RAB31: variants seen among roughly 807,000 people sequenced by gnomAD.
RAB31 encodes the protein ras-related protein Rab-31.
RAB31 carries 21 observed loss-of-function variants against 25.6 expected under a neutral mutation model. The observed-to-expected ratio is 0.82, with a 90% CI of 0.58 to 1.18. RAB31 has a LOEUF of 1.18. RAB31 is among the 50% of genes most tolerant of loss of function. The pLI, the probability that RAB31 is intolerant of heterozygous loss-of-function variation, is 0.00. For missense variants in RAB31, 196 were observed against 250.1 expected (o/e 0.78, Z 1.46); for synonymous variants, 87 against 84.0 (o/e 1.04, Z -0.20).
intron 1 of RAB31, among the ~76,000 whole-genome samples, chr18:9,709,115 C>T (rs2068002684): frequency 6.6e-6 from 1 of 152,190 alleles, no homozygotes; most frequent in Admixed American, 6.5e-5. Context: ...CTGGGAAAGT[C>T]CTCCCCACCA....
chr18:9,735,528 C>T lies in RAB31; in HGVS notation c.39+27084C>T, dbSNP rs140637937. The T allele has an allele frequency of 1.7e-3, 330 of 196,988 alleles. 5 individuals carry two copies. The highest frequency in any genetic ancestry group is 7.3e-3 in the African/African-American group (312 of 43,018). The allele number at this position is 196,988 out of a possible 1,614,324, so 12.2% of individuals were successfully genotyped here. A position where few individuals can be genotyped will look rare whatever the true frequency, so the allele number is the denominator to read the frequency against. On this transcript the variant is annotated intron_variant, in intron 1 of 6. Transcript: ENST00000578921. ...ATTACCACAGCCTCCACGGTGCTTCCGCACTCGGTGATGTGGCCATGGCCG... is the reference window on the plus strand; with the variant it reads ...ATTACCACAGCCTCCACGGTGCTTCTGCACTCGGTGATGTGGCCATGGCCG...
intron 1 of RAB31, among the ~76,000 whole-genome samples, chr18:9,758,724 C>T (rs1181802207): frequency 6.6e-6 from 1 of 152,078 alleles, no homozygotes; most frequent in Non-Finnish European, 1.5e-5. Flanking sequence ...CAATGTCACA[C>T]AAGTGAGACA....
chr18:9,742,261 G>A (rs1005536164), intron 1 of RAB31, among the ~76,000 whole-genome samples: 6 of 152,166 alleles, frequency 3.9e-5, no homozygotes, highest in African/African-American at 1.4e-4. Flanking sequence ...CAAGGGTTTC[G>A]AGGACTTCAA....
At chr18:9,852,838 T>A (rs1157154564) in intron 6 of RAB31, among the ~76,000 whole-genome samples, 1 of 152,252 alleles carries the variant, frequency 6.6e-6, no homozygotes, top group Non-Finnish European at 1.5e-5. Context: ...TACTACAGTA[T>A]GTTACCACCA....
At chr18:9,854,859 T>G (rs2068807902) in intron 6 of RAB31, among the ~76,000 whole-genome samples, 1 of 152,136 alleles carries the variant, frequency 6.6e-6, no homozygotes, top group South Asian at 2.1e-4. Context: ...CCTAGCAAAC[T>G]TGGTCAAGTT....
intron 6 of RAB31, among the ~76,000 whole-genome samples, chr18:9,850,980 G>A (rs143469974): frequency 1.3e-3 from 199 of 152,310 alleles, no homozygotes; most frequent in African/African-American, 4.6e-3. Flanking sequence ...AAGACTTGTG[G>A]GTAGTGATCA....
intron 2 of RAB31, among the ~76,000 whole-genome samples, chr18:9,777,841 G>A (rs2061141): frequency 0.47 from 69,344 of 146,994 alleles, 16,267 homozygotes; most frequent in African/African-American, 0.54. Flanking sequence ...TGCAACCTCC[G>A]CCTCCCGGGT....
intron 5 of RAB31, among the ~76,000 whole-genome samples, chr18:9,829,422 C>A (rs151230242): frequency 6.6e-6 from 1 of 152,206 alleles, no homozygotes; most frequent in African/African-American, 2.4e-5. Context: ...TCTACTGTTC[C>A]GTTTTATGAG....
chr18:9,749,566 G>A (rs2068223571), intron 1 of RAB31, among the ~76,000 whole-genome samples: 1 of 152,158 alleles, frequency 6.6e-6, no homozygotes. Context: ...AGGTGTGTGT[G>A]CCCTACGTTT....
intron 5 of RAB31, among the ~76,000 whole-genome samples, chr18:9,824,422 ATGTGTGTGTATGAG>A (rs1053665582): frequency 1.3e-5 from 2 of 149,452 alleles, no homozygotes; most frequent in African/African-American, 2.5e-5. Context: ...GTGTGTGTAG[ATGTGTGTGTATGAG>A]TGTGTGTGTA....
chr18:9,769,489 C>T (rs138893149), intron 1 of RAB31, among the ~76,000 whole-genome samples: 6 of 151,812 alleles, frequency 4.0e-5, no homozygotes, highest in Non-Finnish European at 7.4e-5. Context: ...TGATTTGGCT[C>T]TCTATTATTG....
intron 2 of RAB31, among the ~76,000 whole-genome samples, chr18:9,788,194 C>T (rs1046169086): frequency 6.6e-6 from 1 of 152,118 alleles, no homozygotes; most frequent in Non-Finnish European, 1.5e-5. Context: ...AACTCAACAG[C>T]AAAGAAAACC....
At chr18:9,755,977 G>T (rs1387629225) in intron 1 of RAB31, among the ~76,000 whole-genome samples, 1 of 152,240 alleles carries the variant, frequency 6.6e-6, no homozygotes, top group East Asian at 1.9e-4. Context: ...AAAGAGCATA[G>T]ATTGAAGATG....
At chr18:9,811,285 A>G (rs2068569231) in intron 3 of RAB31, among the ~76,000 whole-genome samples, 1 of 152,176 alleles carries the variant, frequency 6.6e-6, no homozygotes, top group African/African-American at 2.4e-5. Context: ...TCTCTTCAGG[A>G]TGGAGACCTG....
chr18:9,842,422 A>G (rs2068739210), intron 5 of RAB31, among the ~76,000 whole-genome samples: 1 of 152,140 alleles, frequency 6.6e-6, no homozygotes, highest in Non-Finnish European at 1.5e-5. Context: ...AGACACTCCT[A>G]TCACCCAGGA....
At chr18:9,799,016 G>A (rs944710642) in intron 3 of RAB31, among the ~76,000 whole-genome samples, 5 of 152,130 alleles carry the variant, frequency 3.3e-5, no homozygotes, top group Admixed American at 6.6e-5. Context: ...CCCAGAAGGC[G>A]AATGTTGCAG....
intron 5 of RAB31, among the ~76,000 whole-genome samples, chr18:9,824,560 T>C (rs958219946): frequency 2.6e-5 from 4 of 152,196 alleles, no homozygotes; most frequent in Admixed American, 6.5e-5. Flanking sequence ...TTTTGAGAAT[T>C]TGCTGGATGG....
chr18:9,734,992 G>A lies in RAB31; in HGVS notation c.39+26548G>A, dbSNP rs559358702. ...ATGGGAGGAGCCTCTTGGTGGTGGCGGTGGTTTTTTGTTGTCGTCGTTGTT... is the reference window on the plus strand; with the variant it reads ...ATGGGAGGAGCCTCTTGGTGGTGGCAGTGGTTTTTTGTTGTCGTCGTTGTT... On this transcript the variant is annotated intron_variant, in intron 1 of 6. Coordinates refer to ENST00000578921, the MANE Select transcript of RAB31 (RefSeq NM_006868.4). 5.1e-4 allele frequency: 114 copies of A among 225,098 alleles called. No individual in the cohort carries two copies. The South Asian group carries it at 5.7e-3, about 11-fold the overall frequency. 13.9% of individuals were successfully genotyped at this position (225,098 alleles called of 1,614,324 possible). A position where few individuals can be genotyped will look rare whatever the true frequency, so the allele number is the denominator to read the frequency against.
At chr18:9,790,252 C>T (rs1211684523) in intron 2 of RAB31, among the ~76,000 whole-genome samples, 1 of 152,044 alleles carries the variant, frequency 6.6e-6, no homozygotes, top group Non-Finnish European at 1.5e-5. Context: ...TACAGGGTCT[C>T]GCTCTGTCAC....
Sources: gnomAD v4.1 joint callset for allele counts (sites outside exome capture counted in the v4.1 genomes callset) on GRCh38, gnomAD v4.1.1 for gene constraint, MANE v1.5 for transcripts, NCBI Gene and HGNC (gene_info 2026-07-23, HGNC 2026-07-21) for gene names.